Variants in CTTN observed in about 807,000 individuals in gnomAD.
CTTN encodes the protein src substrate cortactin.
In CTTN, 28 loss-of-function variants were observed where a neutral mutation model predicts 84.0. That is an observed-to-expected ratio of 0.33 (90% CI 0.25 to 0.46). CTTN has a LOEUF of 0.46. CTTN is among the 20% of genes least tolerant of loss of function. The pLI is 1.00. For missense variants in CTTN, 641 were observed against 723.8 expected, an observed-to-expected ratio of 0.89 and a Z score of 1.31; for synonymous variants, 301 against 288.8, an observed-to-expected ratio of 1.04 and a Z score of -0.43.
Position 70,433,217 on chromosome 11 carries a change from C to T in CTTN, c.1383C>T (p.Gly461=), listed in dbSNP as rs754445019. The change falls in exon 16 of 18, where the codon GGC becomes GGT. Residue 461 remains glycine (G), a synonymous_variant. Transcript: ENST00000301843. The part of the protein sequence containing the change: ...ADYREASSQQ[G]LAYATEAVYE... ...ACCGAGAGGCCAGCAGCCAGCAGGG[C>T]CTGGCCTATGCCACAGAGGCTGTCT... 6 of 1,613,470 alleles carry T rather than the reference C, an allele frequency of 3.7e-6. No individual in the cohort carries two copies. The highest frequency in any genetic ancestry group is 4.2e-6 in the Non-Finnish European group (5 of 1,179,990).
At chr11:70,413,177 ACT>A (rs2058114688) in intron 5 of CTTN, among the ~76,000 whole-genome samples, 3 of 152,122 alleles carry the variant, frequency 2.0e-5, no homozygotes, top group Admixed American at 6.5e-5. Context: ...AATAGTGGAC[ACT>A]CTCTGAGTTG....
chr11:70,429,235 C>T (rs778935340), intron 14 of CTTN, 36 bp downstream of exon 14: 3 of 1,591,568 alleles, frequency 1.9e-6, no homozygotes, highest in East Asian at 2.3e-5. Context: ...CGCACCCTCC[C>T]TGGGACCTGT....
At chr11:70,425,573 C>G (rs2058291679) in intron 13 of CTTN, among the ~76,000 whole-genome samples, 172 bp downstream of exon 13, 1 of 152,230 alleles carries the variant, frequency 6.6e-6, no homozygotes, top group South Asian at 2.1e-4. Flanking sequence ...GTTTCTCCTG[C>G]AGAGGTTTAG....
chr11:70,407,473 G>A lies in CTTN; in HGVS notation c.88-45G>A, dbSNP rs370832342. On this transcript the variant is annotated intron_variant, in intron 3 of 17. Coordinates refer to ENST00000301843, the MANE Select transcript of CTTN (RefSeq NM_005231.4). Reference sequence around the variant, plus strand: ...TTTGATGGGGTGGTGGTTTGTCTGTGTCACAATCCAGGCTGTGAGATTTAC... The same window carrying A: ...TTTGATGGGGTGGTGGTTTGTCTGTATCACAATCCAGGCTGTGAGATTTAC... 8.7e-6 allele frequency: 14 copies of A among 1,611,864 alleles called. No individual in the cohort carries two copies. In the African/African-American group the frequency reaches 1.5e-4, roughly 17 times the overall value.
Position 70,414,553 on chromosome 11 carries a change from C to T in CTTN, c.303C>T (p.Gly101=). ...GAACCCTGTTCCAGTCAGCTGTCGG[C>T]CACGAATATCAGTCGAAACTTTCCA... is the stretch of plus-strand genomic sequence containing the variant. ...EQDRMDKSAV[G]HEYQSKLSKH... Residue 101 remains glycine (G), a synonymous_variant, in exon 6 of 18, where the codon GGC becomes GGT. Transcript: ENST00000301843. The T allele has an allele frequency of 6.2e-7, 1 of 1,613,866 alleles. No homozygotes were observed. The highest frequency in any genetic ancestry group is 1.3e-5 in the African/African-American group (1 of 75,052).
rs1261080097 is a variant in CTTN at position 70,435,672 on chromosome 11, A to G, written c.*510A>G. ...ATGGAAGTTAACCCGGAGCTAAGTCACCCAGAGCACAGGAGCTGCCATGTC... is the reference window on the plus strand; with the variant it reads ...ATGGAAGTTAACCCGGAGCTAAGTCGCCCAGAGCACAGGAGCTGCCATGTC... On this transcript the variant is annotated 3_prime_UTR_variant, in exon 18 of 18. Coordinates refer to ENST00000301843, the MANE Select transcript of CTTN (RefSeq NM_005231.4). 1 of 1,597,134 alleles carries G rather than the reference A, an allele frequency of 6.3e-7. No individual in the cohort carries two copies. The highest frequency in any genetic ancestry group is 1.7e-5 in the Admixed American group (1 of 59,856).
chr11:70,402,406 C>T (rs1323944225), intron 1 of CTTN, among the ~76,000 whole-genome samples: 3 of 152,230 alleles, frequency 2.0e-5, no homozygotes, highest in East Asian at 3.8e-4. Context: ...AGTTGTACAA[C>T]TGTCACCACA....
intron 12 of CTTN, 70 bp downstream of exon 12, chr11:70,423,065 G>C (rs2058258944): frequency 1.3e-6 from 2 of 1,585,582 alleles, no homozygotes; most frequent in Non-Finnish European, 1.7e-6. Flanking sequence ...GGCTCACCGT[G>C]CTGGCCAACA....
In CTTN at chr11:70,411,755, A is replaced by C. The variant is rs951664637; in HGVS notation, c.291+1795A>C. Among the ~76,000 whole-genome samples the C allele has an allele frequency of 2.6e-5, 4 of 152,074 alleles. No homozygotes were observed. In the East Asian group the frequency reaches 7.7e-4, roughly 29 times the overall value. On this transcript the variant is annotated intron_variant, in intron 5 of 17. Transcript: ENST00000301843. The stretch of plus-strand genomic sequence containing the variant: ...AGCTCAGGCCTTCCCGAGTGCCAGG[A>C]GCTCCCTGGAAGAGCCCTCACTTCC...
chr11:70,413,853 T>C (rs1036014276), intron 5 of CTTN, among the ~76,000 whole-genome samples: 1 of 152,242 alleles, frequency 6.6e-6, no homozygotes, highest in Non-Finnish European at 1.5e-5. Context: ...TCTTTGGTCA[T>C]GTGATTCACA....
Position 70,435,404 on chromosome 11 carries a change from A to G in CTTN, c.*242A>G. 6.7e-7 allele frequency: 1 copy of G among 1,497,012 alleles called. No individual in the cohort carries two copies. 92.7% of individuals were successfully genotyped at this position (1,497,012 alleles called of 1,614,324 possible). A position where few individuals can be genotyped will look rare whatever the true frequency, so the allele number is the denominator to read the frequency against. On this transcript the variant is annotated 3_prime_UTR_variant, in exon 18 of 18. Transcript: ENST00000301843. ...CACATTCCTTAGGAGGACTTTGGTA[A>G]TTGGTTTTATGCATTGATGGTTTTT...
intron 16 of CTTN, 38 bp downstream of exon 16, chr11:70,433,316 A>T (rs200254143): frequency 1.3e-6 from 2 of 1,557,382 alleles, no homozygotes; most frequent in African/African-American, 1.4e-5. Context: ...TGCCCAGGGC[A>T]GGGAGCTCCC....
In CTTN at chr11:70,428,427, G is replaced by A. The variant is rs543866558; in HGVS notation, c.1028-624G>A. Among the ~76,000 whole-genome samples, 423 of 152,092 alleles carry A rather than the reference G, an allele frequency of 2.8e-3. 2 individuals carry two copies. Among genetic ancestry groups the A allele is most frequent in the African/African-American group, 9.8e-3 (407 of 41,518 alleles). On this transcript the variant is annotated intron_variant, in intron 13 of 17. Coordinates refer to ENST00000301843, the MANE Select transcript of CTTN (RefSeq NM_005231.4). Reference sequence around the variant, plus strand: ...GATCCGCCCACCTTAGCCTCCCAAAGTGCTGGAATTACAGGTGTGAGCCAC... The same window carrying A: ...GATCCGCCCACCTTAGCCTCCCAAAATGCTGGAATTACAGGTGTGAGCCAC...
rs767896485 is a variant in CTTN at position 70,435,524 on chromosome 11, C to A, written c.*362C>A. ...TGCCCTCGTGCCCATCAAGTGCAGT[C>A]GGGACCTCCCAGGACAAGCACGAGG... On this transcript the variant is annotated 3_prime_UTR_variant, in exon 18 of 18. Transcript: ENST00000301843. 1 of 1,561,594 alleles carries A rather than the reference C, an allele frequency of 6.4e-7. No individual in the cohort carries two copies. The highest frequency in any genetic ancestry group is 8.6e-7 in the Non-Finnish European group (1 of 1,161,134).
rs1221478898 is a variant in CTTN at position 70,407,318 on chromosome 11, C to A, written c.21C>A (p.Gly7=). 6 of 1,552,562 alleles carry A rather than the reference C, an allele frequency of 3.9e-6. No homozygotes were observed. In the Admixed American group the frequency reaches 1.2e-4, roughly 30 times the overall value. ...TTCAGATGTGGAAAGCTTCAGCAGG[C>A]CACGCTGTGTCCATCGCCCAGGATG... The part of the protein sequence containing the change: MWKASA[G]HAVSIAQDDA... The change falls in exon 3 of 18, where the codon GGC becomes GGA. Residue 7 remains glycine (G), a synonymous_variant. Coordinates refer to ENST00000301843, the MANE Select transcript of CTTN (RefSeq NM_005231.4).
At chr11:70,428,043 T>C (rs1039702439) in intron 13 of CTTN, among the ~76,000 whole-genome samples, 4 of 151,684 alleles carry the variant, frequency 2.6e-5, no homozygotes, top group Admixed American at 1.3e-4. Context: ...CGCTATTCCA[T>C]GAGAAAACAG....
Position 70,415,718 on chromosome 11 carries a change from G to GT in CTTN, c.457+2dup, listed in dbSNP as rs1233761207. The GT allele has an allele frequency of 3.1e-6, 5 of 1,614,036 alleles. No homozygotes were observed. ...ACTGAGAAGCATGCCTCCCAGAAAGGTAAGACGCGAAAGGTGCAGAAAGAG... is the reference window on the plus strand; with the variant it reads ...ACTGAGAAGCATGCCTCCCAGAAAGGTTAAGACGCGAAAGGTGCAGAAAGAG... On this transcript the variant is annotated splice_donor_variant, in intron 7 of 17. Transcript: ENST00000301843. LOFTEE classifies it high-confidence loss of function.
chr11:70,418,679 CT>C (rs2058191953), intron 8 of CTTN, among the ~76,000 whole-genome samples: 1 of 152,170 alleles, frequency 6.6e-6, no homozygotes, highest in African/African-American at 2.4e-5. Context: ...TGCCCTTCTG[CT>C]GCCTCCTGAG....
intron 17 of CTTN, among the ~76,000 whole-genome samples, chr11:70,434,332 C>A (rs531811860): frequency 6.6e-6 from 1 of 152,374 alleles, no homozygotes; most frequent in African/African-American, 2.4e-5. Context: ...TCTCAGCCAC[C>A]ACCTGGTCCA....
Sources: allele counts gnomAD v4.1 joint callset (sites outside exome capture counted in the v4.1 genomes callset), GRCh38; gene constraint gnomAD v4.1.1; transcripts MANE v1.5; gene names NCBI Gene and HGNC (gene_info 2026-07-23, HGNC 2026-07-21).